Variants in USP14 observed in about 807,000 individuals in gnomAD.
USP14 encodes ubiquitin carboxyl-terminal hydrolase 14.
Under a neutral mutation model 76.5 loss-of-function variants are expected in USP14, and 38 were observed. That is an observed-to-expected ratio of 0.50 (90% CI 0.38 to 0.65). The LOEUF (loss-of-function observed/expected upper bound fraction) is 0.65, where lower values mean the gene tolerates loss of function less well. Among genes scored for constraint, USP14 ranks in the 30% least tolerant of loss-of-function variants. The pLI is 0.00. For synonymous variants in USP14, 192 were observed against 191.7 expected, an observed-to-expected ratio of 1.00 and a Z score of -0.01; for missense variants, 467 against 586.5, an observed-to-expected ratio of 0.80 and a Z score of 2.10.
intron 13 of USP14, among the ~76,000 whole-genome samples, 192 bp from the exon 14 acceptor site, chr18:209,779 A>G (rs1274548411): frequency 6.6e-6 from 1 of 152,156 alleles, no homozygotes; most frequent in Non-Finnish European, 1.5e-5. Flanking sequence ...AAGATTTTAT[A>G]TTGTTGAAGT....
At chr18:188,242 A>G (rs1283705058) in intron 5 of USP14, among the ~76,000 whole-genome samples, 4 of 151,920 alleles carry the variant, frequency 2.6e-5, no homozygotes, top group Admixed American at 1.3e-4. Flanking sequence ...GTATCCCTCC[A>G]TTTGTTTACT....
chr18:182,971 T>C (rs961169756), intron 5 of USP14, among the ~76,000 whole-genome samples: 5 of 152,188 alleles, frequency 3.3e-5, no homozygotes, highest in South Asian at 2.1e-4. Context: ...AGAGAAACCA[T>C]TGGAAGATTT....
At chr18:166,672 C>T (rs1909280451) in intron 2 of USP14, 115 bp from the exon 3 acceptor site, 21 of 1,251,062 alleles carry the variant, frequency 1.7e-5, no homozygotes, top group Non-Finnish European at 2.0e-5. Flanking sequence ...TAAATAAAAT[C>T]TGCATATAGG....
chr18:177,125 A>T (rs1909648506), intron 3 of USP14, among the ~76,000 whole-genome samples: 1 of 152,028 alleles, frequency 6.6e-6, no homozygotes, highest in Non-Finnish European at 1.5e-5. Flanking sequence ...GTAAAGCTTT[A>T]TTCTCTCATT....
intron 4 of USP14, among the ~76,000 whole-genome samples, chr18:179,772 T>C (rs1567829286): frequency 6.6e-6 from 1 of 151,024 alleles, no homozygotes; most frequent in Non-Finnish European, 1.5e-5. Flanking sequence ...AAAAATTTTT[T>C]TTTTTTTTTG....
intron 3 of USP14, among the ~76,000 whole-genome samples, chr18:171,023 AAAAT>A (rs1166685508): frequency 5.6e-4 from 26 of 46,824 alleles, no homozygotes; most frequent in African/African-American, 1.6e-3. Flanking sequence ...AAAAAAAAAA[AAAAT>A]ATATATATAT....
chr18:160,056 T>C (rs1484052423), intron 1 of USP14, among the ~76,000 whole-genome samples: 1 of 152,102 alleles, frequency 6.6e-6, no homozygotes, highest in South Asian at 2.1e-4. Flanking sequence ...TAATCCCAGC[T>C]CTTTGGGAGG....
At chr18:167,230 C>T (rs1465056179) in intron 3 of USP14, among the ~76,000 whole-genome samples, 9 of 151,992 alleles carry the variant, frequency 5.9e-5, no homozygotes, top group African/African-American at 2.2e-4. Context: ...TGCAGTGAGC[C>T]GAGATCGTGC....
intron 2 of USP14, among the ~76,000 whole-genome samples, chr18:165,905 C>T (rs1180727600): frequency 6.6e-6 from 1 of 152,060 alleles, no homozygotes; most frequent in East Asian, 1.9e-4. Flanking sequence ...TACCCGATAC[C>T]TTCTATAAAA....
At chr18:160,112 G>A (rs993209195) in intron 1 of USP14, among the ~76,000 whole-genome samples, 6 of 152,124 alleles carry the variant, frequency 3.9e-5, no homozygotes, top group African/African-American at 1.4e-4. Flanking sequence ...GAGACCGCCT[G>A]GCCAACATGT....
Position 173,002 on chromosome 18 carries a change from T to C in USP14, c.196-5931T>C, listed in dbSNP as rs190627547. 4.6e-3 allele frequency among the ~76,000 whole-genome samples: 697 copies of C among 152,354 alleles called. 6 individuals are homozygous for C. The highest frequency in any genetic ancestry group is 7.6e-3 in the Non-Finnish European group (519 of 68,036). On this transcript the variant is annotated intron_variant, in intron 3 of 15. Transcript: ENST00000261601. ...TCACATTTTTTAGTGATTTGTACTA[T>C]GTTGTAAGAAATCTTCGCCTGTGCC...
In USP14 at chr18:203,125, T is replaced by C. The variant is rs1910428938; in HGVS notation, c.970T>C (p.Leu324=). Residue 324 remains leucine, a synonymous_variant, in exon 12 of 16, where the codon TTG becomes CTG. Coordinates refer to ENST00000261601, the MANE Select transcript of USP14 (RefSeq NM_005151.4). ...CAAGATCAGCCGGCTGCCTGCTTAC[T>C]TGACCATTCAGATGGTTCGATTTTT... The part of the protein sequence containing the change: ...SSKISRLPAY[L]TIQMVRFFYK... 6.2e-7 allele frequency: 1 copy of C among 1,614,160 alleles called. No homozygotes were observed. Among genetic ancestry groups the C allele is most frequent in the Non-Finnish European group, 8.5e-7 (1 of 1,180,014 alleles).
intron 6 of USP14, among the ~76,000 whole-genome samples, chr18:193,327 G>A (rs1910143059): frequency 6.6e-6 from 1 of 152,116 alleles, no homozygotes; most frequent in South Asian, 2.1e-4. Context: ...CATTGCATAA[G>A]AGAATATAAC....
chr18:183,009 C>T (rs1272045775), intron 5 of USP14, among the ~76,000 whole-genome samples: 1 of 152,182 alleles, frequency 6.6e-6, no homozygotes, highest in Non-Finnish European at 1.5e-5. Context: ...TTCAAATTAT[C>T]CTCTGAATTC....
rs150429639 is a variant in USP14 at position 188,958 on chromosome 18, C to T, written c.405-3884C>T. 6.3e-3 allele frequency among the ~76,000 whole-genome samples: 954 copies of T among 152,270 alleles called. 10 individuals are homozygous for T. Among genetic ancestry groups the T allele is most frequent in the African/African-American group, 0.022 (924 of 41,568 alleles). On this transcript the variant is annotated intron_variant, in intron 5 of 15. Transcript: ENST00000261601. ...CCTCCCAAAGTGCTGGGATTACAGG[C>T]GTGAGCCACCGTGCTTGGCCTTTGG... is the stretch of plus-strand genomic sequence containing the variant.
chr18:174,215 G>A (rs1428983646), intron 3 of USP14, among the ~76,000 whole-genome samples: 1 of 151,712 alleles, frequency 6.6e-6, no homozygotes, highest in Non-Finnish European at 1.5e-5. Flanking sequence ...TTCAATGTTG[G>A]GACTTACACA....
intron 5 of USP14, among the ~76,000 whole-genome samples, chr18:186,698 G>A (rs908918467): frequency 1.3e-5 from 2 of 152,038 alleles, no homozygotes; most frequent in African/African-American, 4.8e-5. Flanking sequence ...GCTGCAGTGA[G>A]CCGAGATTGC....
chr18:199,148 A>G, intron 9 of USP14, 54 bp from the exon 10 acceptor site: 1 of 1,057,758 alleles, frequency 9.5e-7, no homozygotes, highest in Non-Finnish European at 1.4e-6. Context: ...TATATTCAAG[A>G]GTATATAACA....
Position 207,458 on chromosome 18 carries a change from T to G in USP14, c.1165-2513T>G. On this transcript the variant is annotated intron_variant, in intron 13 of 15. Coordinates refer to ENST00000261601, the MANE Select transcript of USP14 (RefSeq NM_005151.4). Reference sequence around the variant, plus strand: ...CTTTGGGAGGCCAAGGTGGGCAGATTGCTTGAGTCCAGAAGTTGGAGACCA... The same window carrying G: ...CTTTGGGAGGCCAAGGTGGGCAGATGGCTTGAGTCCAGAAGTTGGAGACCA... Among the ~76,000 whole-genome samples the G allele has an allele frequency of 1.4e-5, 2 of 144,454 alleles. 1 individual carries two copies. Among genetic ancestry groups the G allele is most frequent in the Non-Finnish European group, 3.1e-5 (2 of 63,680 alleles). The allele number at this position is 144,454 out of a possible 152,430, so 94.8% of individuals were successfully genotyped here. A position where few individuals can be genotyped will look rare whatever the true frequency, so the allele number is the denominator to read the frequency against.
Sources: allele counts gnomAD v4.1 joint callset (sites outside exome capture counted in the v4.1 genomes callset), GRCh38; gene constraint gnomAD v4.1.1; transcripts MANE v1.5; gene names NCBI Gene and HGNC (gene_info 2026-07-23, HGNC 2026-07-21).